Variants in CTXN2 observed in about 807,000 individuals in gnomAD.
CTXN2 encodes cortexin-2.
A neutral mutation model predicts 5.7 loss-of-function variants in CTXN2; 3 were observed. The observed-to-expected ratio is 0.53, with a 90% CI of 0.24 to 1.36. CTXN2 has a LOEUF of 1.36. Ranked by LOEUF, CTXN2 falls within the 40% of genes most tolerant of loss-of-function variation. The pLI, the probability that CTXN2 is intolerant of heterozygous loss-of-function variation, is 0.17. For synonymous variants in CTXN2, 38 were observed against 36.4 expected, an observed-to-expected ratio of 1.04 and a Z score of -0.16; for missense variants, 87 against 93.0, an observed-to-expected ratio of 0.94 and a Z score of 0.26.
At chr15:48,181,712 A>G (rs1452892243) in intron 1 of CTXN2, among the ~76,000 whole-genome samples, 3 of 152,210 alleles carry the variant, frequency 2.0e-5, no homozygotes, top group Non-Finnish European at 4.4e-5. Flanking sequence ...CTAGCCCTAG[A>G]ATTCATAATA....
upstream of CTXN2, among the ~76,000 whole-genome samples, chr15:48,188,131 G>A (rs2040776672): frequency 4.6e-5 from 7 of 151,512 alleles, no homozygotes; most frequent in Admixed American, 4.6e-4. Flanking sequence ...ATTTTATGAG[G>A]ACATTTACAT....
At chr15:48,183,585 G>A (rs892562016) in intron 1 of CTXN2, among the ~76,000 whole-genome samples, 2 of 152,154 alleles carry the variant, frequency 1.3e-5, no homozygotes, top group East Asian at 1.9e-4. Flanking sequence ...TGTCTGCTCC[G>A]AGGGTTCTCA....
rs1336346960 is a variant in CTXN2, at chr15:48,203,135, T to A, written c.*1589T>A. 6.0e-6 allele frequency: 1 copy of A among 167,000 alleles called. No homozygotes were observed. Among genetic ancestry groups the A allele is most frequent in the Non-Finnish European group, 1.5e-5 (1 of 68,094 alleles). 10.3% of individuals were successfully genotyped at this position (167,000 alleles called of 1,614,324 possible). On this transcript the variant is annotated 3_prime_UTR_variant, in exon 2 of 2. Transcript: ENST00000417307. ...CAAGGTCACCATAGCTAGGGAATGG[T>A]TATGTTAGGGATTGAACTTGGGCAG... is the stretch of plus-strand genomic sequence containing the variant.
intron 1 of CTXN2, among the ~76,000 whole-genome samples, chr15:48,199,099 A>G (rs2140988283): frequency 6.6e-6 from 1 of 152,282 alleles, no homozygotes; most frequent in African/African-American, 2.4e-5. Context: ...TATAGACCCA[A>G]TGACAGTCTC....
upstream of CTXN2, chr15:48,191,458 A>C: frequency 4.1e-6 from 1 of 246,648 alleles, no homozygotes; most frequent in Non-Finnish European, 8.4e-6. Context: ...TTTTAGCAGA[A>C]CTGAAGAATA....
intron 1 of CTXN2, among the ~76,000 whole-genome samples, chr15:48,198,758 C>T (rs1386477775): frequency 6.6e-6 from 1 of 152,186 alleles, no homozygotes; most frequent in East Asian, 1.9e-4. Flanking sequence ...CAACAGACTT[C>T]ACTCTTCCAA....
In CTXN2 at chr15:48,201,656, A is replaced by C; in HGVS notation, c.*110A>C. ...AGGCTCATTTTGTTCAGTGAATTCA[A>C]TAAACATCTGTGACTAATTTCTTCA... On this transcript the variant is annotated 3_prime_UTR_variant, in exon 2 of 2. Transcript: ENST00000417307. 1 of 1,039,120 alleles carries C rather than the reference A, an allele frequency of 9.6e-7. No individual in the cohort carries two copies. Among genetic ancestry groups the C allele is most frequent in the Non-Finnish European group, 1.4e-6 (1 of 715,844 alleles). 64.4% of individuals were successfully genotyped at this position (1,039,120 alleles called of 1,614,324 possible). A position where few individuals can be genotyped will look rare whatever the true frequency, so the allele number is the denominator to read the frequency against.
rs191968754 is a variant in CTXN2, at chr15:48,198,151, G to A, written c.-57-3093G>A. Among the ~76,000 whole-genome samples the A allele has an allele frequency of 4.6e-5, 7 of 152,232 alleles. 1 individual carries two copies. Among genetic ancestry groups the A allele is most frequent in the Admixed American group, 4.6e-4 (7 of 15,298 alleles). On this transcript the variant is annotated intron_variant, in intron 1 of 1. Coordinates refer to ENST00000417307, the MANE Select transcript of CTXN2 (RefSeq NM_001145668.2). ...TTCTCCACATTTGAATACTAAAAAT[G>A]ATGTAAGTCTGAGAATGCTAAGTAA...
intron 1 of CTXN2, among the ~76,000 whole-genome samples, chr15:48,200,348 A>G (rs1267152783): frequency 6.6e-6 from 1 of 152,180 alleles, no homozygotes; most frequent in African/African-American, 2.4e-5. Flanking sequence ...TAAGACATCA[A>G]ATGGGAAAAA....
At chr15:48,178,584 T>G (rs2040649532) in intron 1 of CTXN2, 1 of 260,764 alleles carries the variant, frequency 3.8e-6, no homozygotes, top group Non-Finnish European at 7.2e-6. Context: ...CAGTGGAGTC[T>G]TCGCTTGCAA....
chr15:48,191,717 CA>C lies in CTXN2; in HGVS notation c.-193del, dbSNP rs1252388743. The C allele has an allele frequency of 2.2e-6, 1 of 455,936 alleles. No individual in the cohort carries two copies. Among genetic ancestry groups the C allele is most frequent in the Admixed American group, 2.3e-5 (1 of 42,558 alleles). The allele number at this position is 455,936 out of a possible 1,614,324, so 28.2% of individuals were successfully genotyped here. A position where few individuals can be genotyped will look rare whatever the true frequency, so the allele number is the denominator to read the frequency against. On this transcript the variant is annotated 5_prime_UTR_variant, in exon 1 of 2. Coordinates refer to ENST00000417307, the MANE Select transcript of CTXN2 (RefSeq NM_001145668.2). ...ACTTCTAGGCCAGGAAAGCGCTAACCAGGGCCCTGTGACTCTACGCAGGTTC... is the reference window on the plus strand; with the variant it reads ...ACTTCTAGGCCAGGAAAGCGCTAACCGGGCCCTGTGACTCTACGCAGGTTC...
chr15:48,183,347 G>A (rs976129656), intron 1 of CTXN2, among the ~76,000 whole-genome samples: 6 of 152,178 alleles, frequency 3.9e-5, no homozygotes, highest in Non-Finnish European at 7.3e-5. Flanking sequence ...AACCGAAAAT[G>A]CTAAGTGGAA....
intron 1 of CTXN2, among the ~76,000 whole-genome samples, chr15:48,200,071 C>G (rs769708117): frequency 1.8e-4 from 27 of 152,082 alleles, no homozygotes; most frequent in Non-Finnish European, 3.1e-4. Flanking sequence ...TTCTTCATTC[C>G]TTACCTCCCA....
chr15:48,197,957 A>G (rs940739006), intron 1 of CTXN2, among the ~76,000 whole-genome samples: 1 of 152,162 alleles, frequency 6.6e-6, no homozygotes, highest in African/African-American at 2.4e-5. Context: ...GCACAGAGGA[A>G]GAAGGAGTAA....
At chr15:48,192,544 T>G (rs2140978766) in intron 1 of CTXN2, 1 of 152,360 alleles carries the variant, frequency 6.6e-6, no homozygotes, top group South Asian at 2.1e-4. Context: ...CTTTTCTCTC[T>G]TTTACTGGGA....
intron 1 of CTXN2, among the ~76,000 whole-genome samples, chr15:48,183,060 C>T (rs887932688): frequency 1.5e-4 from 23 of 152,144 alleles, no homozygotes; most frequent in Admixed American, 1.2e-3. Context: ...CAGTGCCTCT[C>T]CTTGGTAGAA....
At position 48,201,614 on chromosome 15, in the gene CTXN2, T is replaced by C. The variant is rs1313137195; in HGVS notation, c.*68T>C. On this transcript the variant is annotated 3_prime_UTR_variant, in exon 2 of 2. Coordinates refer to ENST00000417307, the MANE Select transcript of CTXN2 (RefSeq NM_001145668.2). Reference sequence around the variant, plus strand: ...CATTCTGGATACAATTGTAACTACCTTGAGGGTGTGGGAGAGAGGCTCATT... The same window carrying C: ...CATTCTGGATACAATTGTAACTACCCTGAGGGTGTGGGAGAGAGGCTCATT... 1.3e-6 allele frequency: 2 copies of C among 1,486,054 alleles called. No individual in the cohort carries two copies. The highest frequency in any genetic ancestry group is 1.8e-6 in the Non-Finnish European group (2 of 1,097,580). The allele number at this position is 1,486,054 out of a possible 1,614,324, so 92.1% of individuals were successfully genotyped here.
At chr15:48,198,792 G>C (rs149688119) in intron 1 of CTXN2, among the ~76,000 whole-genome samples, 1 of 152,262 alleles carries the variant, frequency 6.6e-6, no homozygotes, top group Non-Finnish European at 1.5e-5. Context: ...TACTGTGTCT[G>C]TGTCTACATT....
chr15:48,180,432 GA>G (rs1468138563), intron 1 of CTXN2, among the ~76,000 whole-genome samples: 1 of 152,128 alleles, frequency 6.6e-6, no homozygotes, highest in Non-Finnish European at 1.5e-5. Context: ...AAAAGATAAA[GA>G]AAAAACTATT....
Sources: gnomAD v4.1 joint callset for allele counts (sites outside exome capture counted in the v4.1 genomes callset) on GRCh38, gnomAD v4.1.1 for gene constraint, MANE v1.5 for transcripts, NCBI Gene and HGNC (gene_info 2026-07-23, HGNC 2026-07-21) for gene names.